The following KIRREL3 variants were observed in gnomAD, a reference collection of about 807,000 sequenced individuals.
The protein encoded by KIRREL3 is kirre like nephrin family adhesion molecule 3, also known as kin of IRRE-like protein 3.
In KIRREL3, 36 loss-of-function variants were observed where a neutral mutation model predicts 89.7. The ratio of observed to expected loss-of-function variants is 0.40; its 90% CI spans 0.31 to 0.53. The LOEUF is 0.53. KIRREL3 is among the 20% of genes least tolerant of loss of function. The pLI is 0.49. For synonymous variants in KIRREL3, 445 were observed against 441.4 expected (o/e 1.01, Z -0.10); for missense variants, 864 against 1,056.6 (o/e 0.82, Z 2.53).
In KIRREL3 at chr11:126,909,563, A is replaced by T. The variant is rs1160952917; in HGVS notation, c.55+90892T>A. Among the ~76,000 whole-genome samples, 3 of 152,108 alleles carry T rather than the reference A, an allele frequency of 2.0e-5. No individual in the cohort carries two copies. The highest frequency in any genetic ancestry group is 7.2e-5 in the African/African-American group (3 of 41,426). Reference sequence around the variant, plus strand: ...ACAATACACCCCGTGGGTAATTAACAACCGAGAAAGGGCTCTGCTGAATGG... The same window carrying T: ...ACAATACACCCCGTGGGTAATTAACTACCGAGAAAGGGCTCTGCTGAATGG... On this transcript the variant is annotated intron_variant, in intron 1 of 16. Coordinates refer to ENST00000525144, the MANE Select transcript of KIRREL3 (RefSeq NM_032531.4). The surrounding 1 kb of genome is among the most constrained non-coding windows in gnomAD (Gnocchi z 4.5).
chr11:126,729,691 G>A lies in KIRREL3; in HGVS notation c.56-166779C>T, dbSNP rs575509816. Among the ~76,000 whole-genome samples, 13 of 152,190 alleles carry A rather than the reference G, an allele frequency of 8.5e-5. No individual in the cohort carries two copies. In the South Asian group the frequency reaches 2.7e-3, roughly 32 times the overall value. ...GGGACCCTCCGTAGATACTCATGGG[G>A]CCCCGGGCACTCCACTGGACAGGTG... is the stretch of plus-strand genomic sequence containing the variant. On this transcript the variant is annotated intron_variant, in intron 1 of 16. Transcript: ENST00000525144. The surrounding 1 kb of genome is among the most constrained non-coding windows in gnomAD (Gnocchi z 4.5).
intron 4 of KIRREL3, among the ~76,000 whole-genome samples, chr11:126,497,189 TGTGA>T (rs202194297): frequency 0.041 from 2,743 of 67,404 alleles, 68 homozygotes; most frequent in African/African-American, 0.12. Context: ...TGTGTGAGAG[TGTGA>T]GTGTGTGTGA....
rs1345455861 is a variant in KIRREL3, at chr11:126,896,386, C to T, written c.55+104069G>A. 1.3e-5 allele frequency among the ~76,000 whole-genome samples: 2 copies of T among 152,212 alleles called. No homozygotes were observed. Among genetic ancestry groups the T allele is most frequent in the Admixed American group, 6.5e-5 (1 of 15,286 alleles). On this transcript the variant is annotated intron_variant, in intron 1 of 16. Transcript: ENST00000525144. This position sits in a 1 kb window ranked among gnomAD's most constrained non-coding sequence, Gnocchi z 4.1. ...TTCTCTGACTCCTCTCCACATTTGA[C>T]CTTGGTCTCTGAGATGCTCTTTGTG... is the stretch of plus-strand genomic sequence containing the variant.
intron 1 of KIRREL3, among the ~76,000 whole-genome samples, chr11:126,717,820 G>C (rs1948025720): frequency 6.6e-6 from 1 of 152,162 alleles, no homozygotes; most frequent in Non-Finnish European, 1.5e-5. Context: ...GCTGATGTGT[G>C]GCATATCTAA....
intron 10 of KIRREL3, 196 bp from the exon 11 acceptor site, chr11:126,440,745 A>C (rs1955532032): frequency 4.8e-6 from 3 of 619,500 alleles, no homozygotes; most frequent in Middle Eastern, 2.7e-4. Flanking sequence ...CTCTCAAGGG[A>C]TCATGAGCGA....
Position 126,441,086 on chromosome 11 carries a change from CCTT to C in KIRREL3, c.1253-540_1253-538del, listed in dbSNP as rs1211825107. ...GGGAAGAAATGGTTGCTGTCCCTCT[CCTT>C]AGGGCGGGAATCACCCCGGACAGGG... is the stretch of plus-strand genomic sequence containing the variant. On this transcript the variant is annotated intron_variant, in intron 10 of 16. Transcript: ENST00000525144. This position sits in a 1 kb window ranked among gnomAD's most constrained non-coding sequence, Gnocchi z 5.0. 1.3e-5 allele frequency among the ~76,000 whole-genome samples: 2 copies of C among 152,250 alleles called. No homozygotes were observed. The highest frequency in any genetic ancestry group is 2.4e-5 in the African/African-American group (1 of 41,470).
intron 13 of KIRREL3, 78 bp downstream of exon 13, chr11:126,435,190 C>A: frequency 6.7e-7 from 1 of 1,485,782 alleles, no homozygotes; most frequent in Non-Finnish European, 9.4e-7. Context: ...TCCCTACCCC[C>A]TGCTGGGTTC....
chr11:126,483,249 A>G (rs1484417070), intron 4 of KIRREL3, among the ~76,000 whole-genome samples: 1 of 152,238 alleles, frequency 6.6e-6, no homozygotes, highest in Non-Finnish European at 1.5e-5. Context: ...ATTTCTGCAC[A>G]ACTGCCCATT....
chr11:126,831,435 T>TTCTCTCTCTC (rs5795530), intron 1 of KIRREL3, among the ~76,000 whole-genome samples: 2,872 of 149,984 alleles, frequency 0.019, 65 homozygotes, highest in African/African-American at 0.057. Flanking sequence ...CTCTCTCTCT[T>TTCTCTCTCTC]TCTCTCTCTC....
chr11:126,601,992 C>A lies in KIRREL3; in HGVS notation c.56-39080G>T, dbSNP rs1009784865. Among the ~76,000 whole-genome samples, 2 of 152,164 alleles carry A rather than the reference C, an allele frequency of 1.3e-5. No homozygotes were observed. Among genetic ancestry groups the A allele is most frequent in the Non-Finnish European group, 2.9e-5 (2 of 68,036 alleles). On this transcript the variant is annotated intron_variant, in intron 1 of 16. Transcript: ENST00000525144. This position sits in a 1 kb window ranked among gnomAD's most constrained non-coding sequence, Gnocchi z 5.8. ...GCCTGACAGAGTCACAGAAGCTGAC[C>A]GCTGCGAGGCAGGGGCTGCGGCCTT...
rs1947630004 is a variant in KIRREL3 at position 126,708,545 on chromosome 11, C to T, written c.56-145633G>A. ...TCACCATCAGTAACAGTAACAACAG[C>T]TTCATTAACAAGTTGCTGTTCCGAC... On this transcript the variant is annotated intron_variant, in intron 1 of 16. Transcript: ENST00000525144. This position sits in a 1 kb window ranked among gnomAD's most constrained non-coding sequence, Gnocchi z 5.7. Among the ~76,000 whole-genome samples the T allele has an allele frequency of 6.6e-6, 1 of 152,150 alleles. No homozygotes were observed. Among genetic ancestry groups the T allele is most frequent in the Non-Finnish European group, 1.5e-5 (1 of 68,036 alleles).
In KIRREL3 at chr11:126,611,400, T is replaced by C. The variant is rs1376939344; in HGVS notation, c.56-48488A>G. On this transcript the variant is annotated intron_variant, in intron 1 of 16. Coordinates refer to ENST00000525144, the MANE Select transcript of KIRREL3 (RefSeq NM_032531.4). The surrounding 1 kb of genome is among the most constrained non-coding windows in gnomAD (Gnocchi z 4.7). ...CACTCTTTGAGGGTGGTCTTTCTGA[T>C]TGATCCATCAGTCTGCATTCTCCTT... is the stretch of plus-strand genomic sequence containing the variant. Among the ~76,000 whole-genome samples, 2 of 152,190 alleles carry C rather than the reference T, an allele frequency of 1.3e-5. No homozygotes were observed. Among genetic ancestry groups the C allele is most frequent in the Admixed American group, 6.5e-5 (1 of 15,280 alleles).
chr11:126,512,861 G>T (rs949105744), intron 4 of KIRREL3, among the ~76,000 whole-genome samples: 3 of 152,184 alleles, frequency 2.0e-5, no homozygotes, highest in Admixed American at 6.5e-5. Flanking sequence ...GAGAATCACA[G>T]TCAACCCGTG....
chr11:126,983,133 G>A lies in KIRREL3; in HGVS notation c.55+17322C>T, dbSNP rs1210864223. Among the ~76,000 whole-genome samples the A allele has an allele frequency of 6.6e-6, 1 of 152,056 alleles. No homozygotes were observed. Among genetic ancestry groups the A allele is most frequent in the Admixed American group, 6.6e-5 (1 of 15,264 alleles). On this transcript the variant is annotated intron_variant, in intron 1 of 16. Transcript: ENST00000525144. This position sits in a 1 kb window ranked among gnomAD's most constrained non-coding sequence, Gnocchi z 4.9. ...TTTGATAATCCCCATAGATATACAT[G>A]GGGAAGGTCATTTTTTCTAACTTAT... is the stretch of plus-strand genomic sequence containing the variant.
rs1268565440 is a variant in KIRREL3 at position 126,498,185 on chromosome 11, C to T, written c.433+23130G>A. ...GGGCAGAGTTGGGGTGGCCATCAAACCCCTAAAACCCGAGGAGGGGAAGAG... is the reference window on the plus strand; with the variant it reads ...GGGCAGAGTTGGGGTGGCCATCAAATCCCTAAAACCCGAGGAGGGGAAGAG... On this transcript the variant is annotated intron_variant, in intron 4 of 16. Coordinates refer to ENST00000525144, the MANE Select transcript of KIRREL3 (RefSeq NM_032531.4). The surrounding 1 kb of genome is among the most constrained non-coding windows in gnomAD (Gnocchi z 4.3). Among the ~76,000 whole-genome samples the T allele has an allele frequency of 6.6e-6, 1 of 152,200 alleles. No individual in the cohort carries two copies. Among genetic ancestry groups the T allele is most frequent in the Non-Finnish European group, 1.5e-5 (1 of 68,034 alleles).
rs1237083108 is a variant in KIRREL3 at position 126,525,785 on chromosome 11, G to A, written c.283+753C>T. Among the ~76,000 whole-genome samples, 1 of 152,174 alleles carries A rather than the reference G, an allele frequency of 6.6e-6. No homozygotes were observed. The highest frequency in any genetic ancestry group is 1.5e-5 in the Non-Finnish European group (1 of 68,044). ...TAGGACAGAATAATGATAGCTGAAG[G>A]GTGTGTGACCAGGGGGATGAGCCAT... On this transcript the variant is annotated intron_variant, in intron 3 of 16. Coordinates refer to ENST00000525144, the MANE Select transcript of KIRREL3 (RefSeq NM_032531.4). This position sits in a 1 kb window ranked among gnomAD's most constrained non-coding sequence, Gnocchi z 5.4.
intron 1 of KIRREL3, among the ~76,000 whole-genome samples, chr11:126,678,599 CAAAAAAAA>C (rs59342253): frequency 4.0e-5 from 2 of 50,046 alleles, no homozygotes; most frequent in African/African-American, 8.2e-5. Flanking sequence ...GACTCTGTCT[CAAAAAAAA>C]AAAAAAAAAA....
At chr11:126,644,558 T>C (rs992158648) in intron 1 of KIRREL3, among the ~76,000 whole-genome samples, 3 of 152,144 alleles carry the variant, frequency 2.0e-5, no homozygotes, top group African/African-American at 7.2e-5. Flanking sequence ...ATGAAGCTGG[T>C]GAAGACATGG....
rs952728721 is a variant in KIRREL3, at chr11:126,704,202, C to A, written c.56-141290G>T. ...ATTTGCACATGCCCATCCAGCTGAGCAACATGTATTTACACAGCACACACA... is the reference window on the plus strand; with the variant it reads ...ATTTGCACATGCCCATCCAGCTGAGAAACATGTATTTACACAGCACACACA... On this transcript the variant is annotated intron_variant, in intron 1 of 16. Coordinates refer to ENST00000525144, the MANE Select transcript of KIRREL3 (RefSeq NM_032531.4). The surrounding 1 kb of genome is among the most constrained non-coding windows in gnomAD (Gnocchi z 4.2). Among the ~76,000 whole-genome samples the A allele has an allele frequency of 5.9e-5, 9 of 152,218 alleles. No individual in the cohort carries two copies. The highest frequency in any genetic ancestry group is 5.2e-4 in the Admixed American group (8 of 15,280).
Sources: gnomAD v4.1 joint callset for allele counts (sites outside exome capture counted in the v4.1 genomes callset) on GRCh38, gnomAD v4.1.1 for gene constraint, Gnocchi (gnomAD v3.1) non-coding constraint, MANE v1.5 for transcripts, NCBI Gene and HGNC (gene_info 2026-07-23, HGNC 2026-07-21) for gene names.